The following PLCB4 variants were observed in gnomAD, a reference collection of about 807,000 sequenced individuals.
The protein encoded by PLCB4 is 1-phosphatidylinositol 4,5-bisphosphate phosphodiesterase beta-4.
PLCB4 carries 77 observed loss-of-function variants against 178.8 expected under a neutral mutation model. That is an observed-to-expected ratio of 0.43 (90% CI 0.36 to 0.52). The LOEUF (loss-of-function observed/expected upper bound fraction) is 0.52. Ranked by LOEUF, PLCB4 falls within the 20% of genes least tolerant of loss-of-function variation. The pLI is 0.00. For synonymous variants in PLCB4, 496 were observed against 490.8 expected, an observed-to-expected ratio of 1.01 and a Z score of -0.14; for missense variants, 1,024 against 1,453.4, an observed-to-expected ratio of 0.70 and a Z score of 4.80.
chr20:9,420,337 T>G (rs1399489114), intron 26 of PLCB4, among the ~76,000 whole-genome samples: 1 of 152,138 alleles, frequency 6.6e-6, no homozygotes, highest in Non-Finnish European at 1.5e-5. Flanking sequence ...TTACATTTTT[T>G]TTTTGTTTTT....
At chr20:9,342,309 G>A (rs930444214) in intron 7 of PLCB4, among the ~76,000 whole-genome samples, 1 of 152,076 alleles carries the variant, frequency 6.6e-6, no homozygotes, top group Non-Finnish European at 1.5e-5. Context: ...ATCAAATTGG[G>A]CCAATGAGAA....
At chr20:9,324,185 AAAG>A (rs1601843741) in intron 4 of PLCB4, among the ~76,000 whole-genome samples, 1 of 151,416 alleles carries the variant, frequency 6.6e-6, no homozygotes, top group African/African-American at 2.4e-5. Flanking sequence ...AAAAAAAAAA[AAAG>A]AAAGAAATTT....
At chr20:9,154,907 C>CCTTCCTTCCTTG (rs2092758811) in intron 2 of PLCB4, among the ~76,000 whole-genome samples, 3 of 67,324 alleles carry the variant, frequency 4.5e-5, no homozygotes, top group African/African-American at 2.1e-4. Flanking sequence ...CTCCTTCCCT[C>CCTTCCTTCCTTG]CTTCCTTCCT....
At chr20:9,444,574 C>T (rs1360748543) in intron 32 of PLCB4, among the ~76,000 whole-genome samples, 3 of 152,094 alleles carry the variant, frequency 2.0e-5, no homozygotes, top group Non-Finnish European at 2.9e-5. Context: ...ACCAGCCTGA[C>T]CAACATGGTA....
intron 7 of PLCB4, among the ~76,000 whole-genome samples, chr20:9,339,786 C>T (rs77839855): frequency 0.051 from 7,772 of 152,166 alleles, 487 homozygotes; most frequent in East Asian, 0.18. Context: ...ACCCCCCCTC[C>T]CAATAAGTTA....
intron 13 of PLCB4, among the ~76,000 whole-genome samples, chr20:9,382,846 C>T (rs1256596377): frequency 6.6e-6 from 1 of 152,198 alleles, no homozygotes; most frequent in East Asian, 1.9e-4. Context: ...TTTCTTCTAT[C>T]ACTGCATCTA....
chr20:9,078,609 T>G (rs6118474), intron 1 of PLCB4, among the ~76,000 whole-genome samples: 133,034 of 151,786 alleles, frequency 0.88, 58,740 homozygotes, highest in East Asian at 1. Flanking sequence ...TGATCTGCCC[T>G]CCTCAGCCTC....
intron 3 of PLCB4, among the ~76,000 whole-genome samples, chr20:9,251,853 A>G (rs1386193697): frequency 6.6e-6 from 1 of 152,218 alleles, no homozygotes; most frequent in Admixed American, 6.5e-5. Flanking sequence ...GCAAAAAGAA[A>G]ACAGGTTAAT....
In PLCB4 at chr20:9,213,323, T is replaced by C. The variant is rs143621915; in HGVS notation, c.-78-4067T>C. Among the ~76,000 whole-genome samples, 366 of 150,316 alleles carry C rather than the reference T, an allele frequency of 2.4e-3. 36 individuals are homozygous for C. The highest frequency in any genetic ancestry group is 8.8e-3 in the African/African-American group (350 of 39,826). On this transcript the variant is annotated intron_variant, in intron 2 of 39. Transcript: ENST00000378473. ...CCACACCCAGCTAATTTTTGTACTT[T>C]TAGTAGAGACAGGATTTCACTATGT...
In PLCB4 at chr20:9,119,363, A is replaced by C. The variant is rs1285636968; in HGVS notation, c.-79+23021A>C. On this transcript the variant is annotated intron_variant, in intron 2 of 39. Coordinates refer to ENST00000378473, the MANE Select transcript of PLCB4 (RefSeq NM_001377142.1). Reference sequence around the variant, plus strand: ...AAAAAATCATTATTGGTGCTATAAAAGTACTTCTTATCTGTCACATTTGGG... The same window carrying C: ...AAAAAATCATTATTGGTGCTATAAACGTACTTCTTATCTGTCACATTTGGG... Among the ~76,000 whole-genome samples the C allele has an allele frequency of 2.6e-5, 4 of 152,312 alleles. No individual in the cohort carries two copies. The East Asian group carries it at 7.7e-4, about 29-fold the overall frequency.
intron 2 of PLCB4, among the ~76,000 whole-genome samples, chr20:9,119,549 T>C (rs2091892898): frequency 6.6e-6 from 1 of 151,026 alleles, no homozygotes; most frequent in Admixed American, 6.6e-5. Flanking sequence ...AGTCACTCCA[T>C]AGCAATTTTA....
intron 2 of PLCB4, among the ~76,000 whole-genome samples, chr20:9,162,613 T>C (rs1274705829): frequency 1.3e-5 from 2 of 152,224 alleles, no homozygotes; most frequent in Non-Finnish European, 2.9e-5. Flanking sequence ...ACTAGTCCTA[T>C]AGTAGTTACG....
chr20:9,130,496 G>A (rs749661394), intron 2 of PLCB4, among the ~76,000 whole-genome samples: 12 of 152,138 alleles, frequency 7.9e-5, no homozygotes, highest in Non-Finnish European at 1.3e-4. Context: ...AACTTTCAAC[G>A]TAGAAAGCAG....
intron 3 of PLCB4, among the ~76,000 whole-genome samples, chr20:9,257,787 G>T (rs181722987): frequency 6.6e-6 from 1 of 152,232 alleles, no homozygotes; most frequent in East Asian, 1.9e-4. Flanking sequence ...ATTTTAACAT[G>T]AACAAATTTA....
intron 2 of PLCB4, among the ~76,000 whole-genome samples, chr20:9,212,705 T>G (rs1322776803): frequency 6.6e-6 from 1 of 152,174 alleles, no homozygotes; most frequent in East Asian, 1.9e-4. Flanking sequence ...AGGAATCCCC[T>G]GAAGAATCAC....
intron 30 of PLCB4, among the ~76,000 whole-genome samples, chr20:9,438,511 G>A (rs2041920436): frequency 1.3e-5 from 2 of 152,170 alleles, no homozygotes; most frequent in Non-Finnish European, 2.9e-5. Flanking sequence ...GGAGTTAGGA[G>A]GAGGAGCTGC....
rs1396442853 is a variant in PLCB4 at position 9,307,494 on chromosome 20, T to TATATACACAC, written c.-15-305_-15-304insTATACACACA. ...GTGCCTTCAGATTTTAAAAAAAGAA[T>TATATACACAC]ACACACACACACACACACACACACA... On this transcript the variant is annotated intron_variant, in intron 3 of 39. Transcript: ENST00000378473. 3.5e-3 allele frequency among the ~76,000 whole-genome samples: 480 copies of TATATACACAC among 138,148 alleles called. 6 individuals carry two copies. The highest frequency in any genetic ancestry group is 0.012 in the African/African-American group (444 of 36,394). 90.6% of individuals were successfully genotyped at this position (138,148 alleles called of 152,430 possible). A position where few individuals can be genotyped will look rare whatever the true frequency, so the allele number is the denominator to read the frequency against.
chr20:9,272,938 A>G (rs1397889289), intron 3 of PLCB4, among the ~76,000 whole-genome samples: 2 of 148,280 alleles, frequency 1.3e-5, no homozygotes, highest in Non-Finnish European at 3.0e-5. Flanking sequence ...GCAGTGTTGG[A>G]TATATAGAAG....
chr20:9,450,658 C>CTTTTTTTTTTTTTTTTTTT, intron 32 of PLCB4, among the ~76,000 whole-genome samples: 1 of 100,248 alleles, frequency 1.0e-5, no homozygotes, highest in Non-Finnish European at 2.1e-5. Flanking sequence ...CTTTTCTTTT[C>CTTTTTTTTTTTTTTTTTTT]TTTTTTTTTT....
Sources: gnomAD v4.1 joint callset for allele counts (sites outside exome capture counted in the v4.1 genomes callset) on GRCh38, gnomAD v4.1.1 for gene constraint, MANE v1.5 for transcripts, NCBI Gene and HGNC (gene_info 2026-07-23, HGNC 2026-07-21) for gene names.